The following RIMS1 variants were observed in gnomAD, a reference collection of about 807,000 sequenced individuals.
RIMS1 encodes the protein regulating synaptic membrane exocytosis 1.
In RIMS1, 83 loss-of-function variants were observed where a neutral mutation model predicts 214.1. The ratio of observed to expected loss-of-function variants is 0.39; its 90% confidence interval spans 0.32 to 0.47. The LOEUF (loss-of-function observed/expected upper bound fraction) is 0.47. Among genes scored for constraint, RIMS1 ranks in the 20% least tolerant of loss-of-function variants. The pLI, the probability that RIMS1 is intolerant of heterozygous loss-of-function variation, is 0.99. For synonymous variants in RIMS1, 793 were observed against 786.8 expected (o/e 1.01, Z -0.13); for missense variants, 2,050 against 2,161.8 (o/e 0.95, Z 1.03).
chr6:72,386,955 C>T lies in RIMS1; in HGVS notation c.4367-3643C>T, dbSNP rs370371539. Among the ~76,000 whole-genome samples the T allele has an allele frequency of 4.0e-4, 61 of 151,948 alleles. 1 individual carries two copies. The highest frequency in any genetic ancestry group is 1.4e-3 in the African/African-American group (59 of 41,450). On this transcript the variant is annotated intron_variant, in intron 29 of 33. Transcript: ENST00000521978. ...TTCACCATGTTAGCCAGGATGGTCTCGATCTCCTGACCTCGTGATCCACCC... is the reference window on the plus strand; with the variant it reads ...TTCACCATGTTAGCCAGGATGGTCTTGATCTCCTGACCTCGTGATCCACCC...
At chr6:72,329,890 C>A (rs1593779201) in intron 28 of RIMS1, among the ~76,000 whole-genome samples, 1 of 151,696 alleles carries the variant, frequency 6.6e-6, no homozygotes, top group Non-Finnish European at 1.5e-5. Context: ...TATATCCAAG[C>A]AGATACGTCA....
At chr6:72,151,041 AT>A (rs965069085) in intron 4 of RIMS1, among the ~76,000 whole-genome samples, 43 of 149,338 alleles carry the variant, frequency 2.9e-4, no homozygotes, top group African/African-American at 4.4e-4. Flanking sequence ...CATATATTCT[AT>A]TTTTTTTTTC....
At chr6:72,169,175 G>T (rs1480186429) in intron 4 of RIMS1, among the ~76,000 whole-genome samples, 1 of 151,682 alleles carries the variant, frequency 6.6e-6, no homozygotes. Flanking sequence ...ATTCTTTTTG[G>T]GTACAAAATA....
At chr6:72,194,080 GAAAT>G (rs1389726875) in intron 6 of RIMS1, among the ~76,000 whole-genome samples, 1 of 152,184 alleles carries the variant, frequency 6.6e-6, no homozygotes, top group East Asian at 1.9e-4. Flanking sequence ...AAACACCGAT[GAAAT>G]AAATAGATGA....
At chr6:71,909,001 T>C (rs1239994430) in intron 1 of RIMS1, among the ~76,000 whole-genome samples, 1 of 152,144 alleles carries the variant, frequency 6.6e-6, no homozygotes, top group African/African-American at 2.4e-5. Context: ...TTATTTTATT[T>C]TATTTTGAGG....
chr6:72,397,272 A>G (rs1039995167), intron 31 of RIMS1, among the ~76,000 whole-genome samples: 1 of 152,182 alleles, frequency 6.6e-6, no homozygotes, highest in Non-Finnish European at 1.5e-5. Flanking sequence ...TTCATGAAAT[A>G]AAAAGGAAGG....
At chr6:72,281,920 T>C (rs2090290882) in intron 23 of RIMS1, among the ~76,000 whole-genome samples, 1 of 152,144 alleles carries the variant, frequency 6.6e-6, no homozygotes, top group South Asian at 2.1e-4. Context: ...TTTTGTCTTG[T>C]ATCAACAAAG....
At chr6:71,969,171 T>C in intron 2 of RIMS1, 108 bp downstream of exon 2, 1 of 1,042,222 alleles carries the variant, frequency 9.6e-7, no homozygotes, top group Non-Finnish European at 1.5e-6. Context: ...GCTGCTCTTG[T>C]ATATGTAACA....
At chr6:71,896,592 T>C (rs1162229854) in intron 1 of RIMS1, among the ~76,000 whole-genome samples, 1 of 152,108 alleles carries the variant, frequency 6.6e-6, no homozygotes, top group Non-Finnish European at 1.5e-5. Flanking sequence ...AAGAAGCAGA[T>C]ACTTTTGCTA....
chr6:71,977,273 G>A (rs942350153), intron 2 of RIMS1, among the ~76,000 whole-genome samples: 2 of 152,124 alleles, frequency 1.3e-5, no homozygotes, highest in Non-Finnish European at 2.9e-5. Context: ...TGCTAAAACA[G>A]CTTTGGCTGA....
At chr6:71,893,855 T>G (rs1212387708) in intron 1 of RIMS1, among the ~76,000 whole-genome samples, 3 of 152,190 alleles carry the variant, frequency 2.0e-5, no homozygotes, top group Non-Finnish European at 4.4e-5. Context: ...ATAGAGCTGT[T>G]TAAAAGGAAG....
At chr6:71,965,865 T>C (rs1794304906) in intron 1 of RIMS1, among the ~76,000 whole-genome samples, 1 of 152,160 alleles carries the variant, frequency 6.6e-6, no homozygotes, top group African/African-American at 2.4e-5. Flanking sequence ...TCTCCTTATG[T>C]CGGGCTGAAG....
At chr6:71,887,282 G>A in intron 1 of RIMS1, 95 bp downstream of exon 1, 1 of 1,477,508 alleles carries the variant, frequency 6.8e-7, no homozygotes, top group Admixed American at 2.0e-5. Flanking sequence ...GTGTGGGGAA[G>A]GGGCTGCCAG....
chr6:72,032,292 A>T (rs1329458616), intron 2 of RIMS1, among the ~76,000 whole-genome samples: 3 of 152,190 alleles, frequency 2.0e-5, no homozygotes, highest in Non-Finnish European at 4.4e-5. Context: ...GAACTGATTC[A>T]TTGTCAGTTA....
intron 29 of RIMS1, among the ~76,000 whole-genome samples, chr6:72,367,742 T>C (rs537554545): frequency 5.3e-5 from 8 of 152,302 alleles, no homozygotes; most frequent in Middle Eastern, 3.4e-3. Context: ...ACATATAATC[T>C]GTGCAGTACT....
intron 26 of RIMS1, among the ~76,000 whole-genome samples, chr6:72,303,982 G>A (rs961190236): frequency 4.6e-5 from 7 of 151,102 alleles, no homozygotes; most frequent in South Asian, 2.1e-4. Flanking sequence ...TTTATCTTTC[G>A]ACTTTATTAT....
At chr6:71,901,779 C>G (rs768528044) in intron 1 of RIMS1, among the ~76,000 whole-genome samples, 14 of 151,998 alleles carry the variant, frequency 9.2e-5, no homozygotes, top group Non-Finnish European at 1.8e-4. Context: ...TTAAATTTTA[C>G]CTGAATCAAT....
At chr6:71,894,612 A>G (rs1055680426) in intron 1 of RIMS1, among the ~76,000 whole-genome samples, 4 of 152,224 alleles carry the variant, frequency 2.6e-5, no homozygotes, top group African/African-American at 9.6e-5. Context: ...TGAGCCTTGC[A>G]AAGAGCAGCC....
chr6:72,135,651 A>G (rs1380032786), intron 4 of RIMS1, among the ~76,000 whole-genome samples: 1 of 152,200 alleles, frequency 6.6e-6, no homozygotes, highest in Non-Finnish European at 1.5e-5. Flanking sequence ...AGAAGAAAAG[A>G]AGTTAAAGCA....
Sources: allele counts gnomAD v4.1 joint callset (sites outside exome capture counted in the v4.1 genomes callset), GRCh38; gene constraint gnomAD v4.1.1; transcripts MANE v1.5; gene names NCBI Gene and HGNC (gene_info 2026-07-23, HGNC 2026-07-21).